PHACTR4: variants seen among roughly 807,000 people sequenced by gnomAD.
The protein encoded by PHACTR4 is protein phosphatase 1, regulatory subunit 124.
Under a neutral mutation model 72.7 loss-of-function variants are expected in PHACTR4, and 51 were observed. The ratio of observed to expected loss-of-function variants is 0.70; its 90% CI spans 0.56 to 0.89. The LOEUF is 0.89. Among genes scored for constraint, PHACTR4 ranks in the 40% least tolerant of loss-of-function variants. The probability of loss-of-function intolerance (pLI) is 0.00; values close to 1 mark genes in which losing one functional copy is unlikely to be tolerated. For missense variants in PHACTR4, 731 were observed against 861.8 expected (o/e 0.85, Z 1.90); for synonymous variants, 255 against 302.5 (o/e 0.84, Z 1.63).
intron 6 of PHACTR4, among the ~76,000 whole-genome samples, chr1:28,469,785 GT>G (rs1216478009): frequency 1.5e-4 from 23 of 152,286 alleles, no homozygotes; most frequent in Admixed American, 1.3e-3. Flanking sequence ...GCCAGGCATG[GT>G]GGCTCATGCC....
At chr1:28,490,124 G>A (rs1476765634) in intron 10 of PHACTR4, among the ~76,000 whole-genome samples, 1 of 152,178 alleles carries the variant, frequency 6.6e-6, no homozygotes. Flanking sequence ...AAAATGTGAA[G>A]ACTATTCTTA....
In PHACTR4 at chr1:28,497,995, C is replaced by CAAAAA. The variant is rs536622349; in HGVS notation, c.*1457_*1461dup. The CAAAAA allele has an allele frequency of 5.1e-5, 4 of 78,514 alleles. No homozygotes were observed. Among genetic ancestry groups the CAAAAA allele is most frequent in the African/African-American group, 1.6e-4 (4 of 25,526 alleles). 4.9% of individuals were successfully genotyped at this position (78,514 alleles called of 1,614,324 possible). A position where few individuals can be genotyped will look rare whatever the true frequency, so the allele number is the denominator to read the frequency against. ...TGGGTGACAGAGCGAGACTCCGTCT[C>CAAAAA]AAAAAAAAAAAAAAAGCCTTAATAT... is the stretch of plus-strand genomic sequence containing the variant. On this transcript the variant is annotated 3_prime_UTR_variant, in exon 14 of 14. Coordinates refer to ENST00000373839, the MANE Select transcript of PHACTR4 (RefSeq NM_001048183.3).
At chr1:28,485,027 G>C (rs913560631) in intron 9 of PHACTR4, among the ~76,000 whole-genome samples, 1 of 152,022 alleles carries the variant, frequency 6.6e-6, no homozygotes, top group Admixed American at 6.6e-5. Context: ...AAAAAAGAAG[G>C]AAATCCTCCA....
chr1:28,483,202 G>A (rs1404022463), intron 9 of PHACTR4, among the ~76,000 whole-genome samples: 5 of 151,840 alleles, frequency 3.3e-5, no homozygotes, highest in South Asian at 2.1e-4. Flanking sequence ...CCAGGAGTTC[G>A]AGGCAACATG....
At chr1:28,373,650 T>C (rs1424404879) in intron 1 of PHACTR4, among the ~76,000 whole-genome samples, 1 of 152,132 alleles carries the variant, frequency 6.6e-6, no homozygotes, top group African/African-American at 2.4e-5. Flanking sequence ...GGTCTCAAAT[T>C]CCTTGGCTCA....
chr1:28,380,043 A>T (rs1443652789), intron 1 of PHACTR4, among the ~76,000 whole-genome samples: 1 of 148,708 alleles, frequency 6.7e-6, no homozygotes, highest in African/African-American at 2.5e-5. Flanking sequence ...GTGTTTTTTT[A>T]AATGTAACTT....
chr1:28,393,358 C>T (rs1283164593), intron 1 of PHACTR4, among the ~76,000 whole-genome samples: 1 of 152,182 alleles, frequency 6.6e-6, no homozygotes, highest in Non-Finnish European at 1.5e-5. Flanking sequence ...ATGCAAACCA[C>T]TATAGTAGGC....
intron 4 of PHACTR4, among the ~76,000 whole-genome samples, chr1:28,465,049 C>T (rs979083235): frequency 1.3e-5 from 2 of 152,072 alleles, no homozygotes; most frequent in South Asian, 4.1e-4. Context: ...ACATAGTAGG[C>T]TATCAAACAT....
chr1:28,411,892 C>T (rs78807619), intron 2 of PHACTR4, among the ~76,000 whole-genome samples: 11 of 128,076 alleles, frequency 8.6e-5, no homozygotes, highest in Admixed American at 4.5e-4. Flanking sequence ...AAAGAAAGAA[C>T]GAATGAACAA....
rs115808596 is a variant in PHACTR4 at position 28,454,248 on chromosome 1, A to G, written c.17-4837A>G. On this transcript the variant is annotated intron_variant, in intron 2 of 13. Coordinates refer to ENST00000373839, the MANE Select transcript of PHACTR4 (RefSeq NM_001048183.3). ...AGTATATAAAGCAAAAATTAATAGA[A>G]CTAAGAGAGAAATCACTTTGTCTTT... Among the ~76,000 whole-genome samples the G allele has an allele frequency of 3.8e-3, 578 of 151,522 alleles. 5 individuals carry two copies. The highest frequency in any genetic ancestry group is 0.014 in the African/African-American group (560 of 41,298).
At chr1:28,425,784 A>G (rs1443177321) in intron 2 of PHACTR4, among the ~76,000 whole-genome samples, 2 of 152,214 alleles carry the variant, frequency 1.3e-5, no homozygotes, top group Non-Finnish European at 2.9e-5. Context: ...TGTGAAAGAG[A>G]GAGAAGGAAG....
intron 1 of PHACTR4, among the ~76,000 whole-genome samples, chr1:28,386,150 G>A (rs1165680358): frequency 6.6e-6 from 1 of 152,104 alleles, no homozygotes; most frequent in Non-Finnish European, 1.5e-5. Flanking sequence ...CTGGAGTGCA[G>A]TGGTGCGATC....
chr1:28,452,613 T>G (rs1157824477), intron 2 of PHACTR4, among the ~76,000 whole-genome samples: 1 of 151,610 alleles, frequency 6.6e-6, no homozygotes, highest in Non-Finnish European at 1.5e-5. Flanking sequence ...AAGACCAGCC[T>G]GGCCAACATG....
At chr1:28,388,677 C>A (rs1433178465) in intron 1 of PHACTR4, among the ~76,000 whole-genome samples, 3 of 152,138 alleles carry the variant, frequency 2.0e-5, no homozygotes, top group Non-Finnish European at 2.9e-5. Flanking sequence ...TGGTGAAACC[C>A]CGTCTCTACT....
At chr1:28,449,951 A>C (rs1030193116) in intron 2 of PHACTR4, among the ~76,000 whole-genome samples, 4 of 152,152 alleles carry the variant, frequency 2.6e-5, no homozygotes, top group African/African-American at 9.7e-5. Context: ...GTGGTTGAAG[A>C]AACTACTAGA....
chr1:28,397,575 A>T (rs918054533), intron 1 of PHACTR4, among the ~76,000 whole-genome samples: 6 of 152,178 alleles, frequency 3.9e-5, no homozygotes, highest in Non-Finnish European at 8.8e-5. Context: ...AAATAATTTC[A>T]TTCTTGACGG....
At chr1:28,466,124 A>G (rs190805299) in intron 5 of PHACTR4, among the ~76,000 whole-genome samples, 1 of 152,264 alleles carries the variant, frequency 6.6e-6, no homozygotes, top group Admixed American at 6.5e-5. Context: ...CTTTCACCCA[A>G]GGAATTTTGT....
At chr1:28,461,201 A>T (rs1429544951) in intron 4 of PHACTR4, among the ~76,000 whole-genome samples, 1 of 151,956 alleles carries the variant, frequency 6.6e-6, no homozygotes, top group African/African-American at 2.4e-5. Context: ...GTATTTTAGG[A>T]GGCCGAGACG....
At chr1:28,413,618 A>G (rs1040068348) in intron 2 of PHACTR4, among the ~76,000 whole-genome samples, 1 of 152,158 alleles carries the variant, frequency 6.6e-6, no homozygotes, top group Non-Finnish European at 1.5e-5. Context: ...CTTTTCTACT[A>G]TTAGAGTTTA....
Sources: gnomAD v4.1 joint callset for allele counts (sites outside exome capture counted in the v4.1 genomes callset) on GRCh38, gnomAD v4.1.1 for gene constraint, MANE v1.5 for transcripts, NCBI Gene and HGNC (gene_info 2026-07-23, HGNC 2026-07-21) for gene names.